WNK2: variants seen among roughly 807,000 people sequenced by gnomAD.
The protein encoded by WNK2 is WNK lysine deficient protein kinase 2.
A neutral mutation model predicts 192.1 loss-of-function variants in WNK2; 67 were observed. That is an observed-to-expected ratio of 0.35 (90% CI 0.29 to 0.43). The LOEUF (loss-of-function observed/expected upper bound fraction) is 0.43. Among genes scored for constraint, WNK2 ranks in the 20% least tolerant of loss-of-function variants. WNK2 has a pLI of 1.00. For missense variants in WNK2, 2,698 were observed against 3,089.7 expected (o/e 0.87, Z 3.01); for synonymous variants, 1,439 against 1,393.9 (o/e 1.03, Z -0.72).
intron 26 of WNK2, among the ~76,000 whole-genome samples, chr9:93,306,474 T>C: frequency 6.7e-6 from 1 of 149,390 alleles, no homozygotes; most frequent in Middle Eastern, 3.6e-3. Context: ...TTTTCTTTTT[T>C]CTTTTCTTTT....
intron 29 of WNK2, chr9:93,319,450 C>T (rs770288896): frequency 2.5e-5 from 24 of 975,732 alleles, no homozygotes; most frequent in South Asian, 4.7e-5. Flanking sequence ...GCCTGGGCCC[C>T]GAGCACGGTC....
intron 7 of WNK2, among the ~76,000 whole-genome samples, chr9:93,243,161 T>C (rs1841070110): frequency 2.0e-5 from 3 of 152,196 alleles, no homozygotes; most frequent in Non-Finnish European, 4.4e-5. Flanking sequence ...CTTGCCTGTC[T>C]TGGGTTCTGT....
intron 2 of WNK2, 113 bp downstream of exon 2, chr9:93,185,723 C>T: frequency 2.4e-6 from 3 of 1,263,778 alleles, no homozygotes; most frequent in Non-Finnish European, 3.3e-6. Context: ...GGCGGCGGGG[C>T]TCCATGTGTG....
intron 24 of WNK2, 137 bp from the exon 25 acceptor site, chr9:93,298,933 C>A: frequency 1.2e-6 from 1 of 848,732 alleles, no homozygotes; most frequent in Non-Finnish European, 1.8e-6. Context: ...GGAGATGTGG[C>A]CATGTGCCTG....
At position 93,286,760 on chromosome 9, in the gene WNK2, TAA is replaced by T. The variant is rs1263869489; in HGVS notation, c.4034-2027_4034-2026del. The stretch of plus-strand genomic sequence containing the variant: ...CAATAGCCAAGATATGGAAACAACC[TAA>T]GTGTCTTCACAGATGAATGGATAAA... On this transcript the variant is annotated intron_variant, in intron 19 of 29. Transcript: ENST00000427277. Among the ~76,000 whole-genome samples the T allele has an allele frequency of 5.9e-5, 9 of 152,354 alleles. 1 individual carries two copies. The highest frequency in any genetic ancestry group is 5.8e-4 in the East Asian group (3 of 5,192).
chr9:93,197,044 C>T (rs1356562478), intron 2 of WNK2, among the ~76,000 whole-genome samples: 1 of 152,246 alleles, frequency 6.6e-6, no homozygotes, highest in Non-Finnish European at 1.5e-5. Context: ...TGTGCCAACC[C>T]TGGCAAAGCT....
Position 93,217,536 on chromosome 9 carries a change from C to T in WNK2, c.682-12160C>T, listed in dbSNP as rs188396845. Reference sequence around the variant, plus strand: ...CGGTTGTGGTCCCCAAGGCTCTTGCCGCCAGTTCTGGGAGGTACTGAGGAG... The same window carrying T: ...CGGTTGTGGTCCCCAAGGCTCTTGCTGCCAGTTCTGGGAGGTACTGAGGAG... On this transcript the variant is annotated intron_variant, in intron 2 of 29. Coordinates refer to ENST00000427277, the MANE Select transcript of WNK2 (RefSeq NM_006648.4). Among the ~76,000 whole-genome samples the T allele has an allele frequency of 2.3e-3, 343 of 152,244 alleles. 3 individuals carry two copies. Among genetic ancestry groups the T allele is most frequent in the Non-Finnish European group, 4.2e-3 (285 of 68,032 alleles).
intron 7 of WNK2, among the ~76,000 whole-genome samples, chr9:93,243,186 G>A (rs1588136089): frequency 6.6e-6 from 1 of 152,304 alleles, no homozygotes; most frequent in Middle Eastern, 3.4e-3. Context: ...AGGTGGCAAA[G>A]CCCAGAACCT....
At chr9:93,308,134 C>A (rs992012781) in intron 27 of WNK2, 194 bp from the exon 28 acceptor site, 3 of 1,170,630 alleles carry the variant, frequency 2.6e-6, no homozygotes, top group Middle Eastern at 2.9e-4. Context: ...CTGGCACAGC[C>A]CATGGAAATG....
Position 93,259,515 on chromosome 9 carries a change from A to G in WNK2, c.2967A>G (p.Gln989=), listed in dbSNP as rs1843861873. 1 of 1,468,782 alleles carries G rather than the reference A, an allele frequency of 6.8e-7. No individual in the cohort carries two copies. The highest frequency in any genetic ancestry group is 1.6e-5 in the African/African-American group (1 of 63,698). The allele number at this position is 1,468,782 out of a possible 1,614,324, so 91.0% of individuals were successfully genotyped here. ...CCCCGCAACCCATGCTGCCCCCACAACCTGTGCTGCCCCCGCAGCCGGCAC... is the reference window on the plus strand; with the variant it reads ...CCCCGCAACCCATGCTGCCCCCACAGCCTGTGCTGCCCCCGCAGCCGGCAC... ...VLPPQPMLPP[Q]PVLPPQPALP... Residue 989 remains glutamine, a synonymous_variant, in exon 12 of 30, where the codon CAA becomes CAG. Transcript: ENST00000427277. This position sits in a 1 kb window ranked among gnomAD's most constrained non-coding sequence, Gnocchi z 4.8.
chr9:93,232,607 G>A (rs1012811352), intron 4 of WNK2, among the ~76,000 whole-genome samples: 4 of 152,238 alleles, frequency 2.6e-5, no homozygotes, highest in African/African-American at 9.6e-5. Flanking sequence ...AAGAAGCACA[G>A]CCCACTGTGA....
At chr9:93,194,855 A>G (rs1652228628) in intron 2 of WNK2, among the ~76,000 whole-genome samples, 1 of 152,214 alleles carries the variant, frequency 6.6e-6, no homozygotes, top group African/African-American at 2.4e-5. Context: ...ACATGCAGAC[A>G]ATGCAATCTT....
At chr9:93,211,881 C>CT (rs1834840039) in intron 2 of WNK2, among the ~76,000 whole-genome samples, 1 of 143,368 alleles carries the variant, frequency 7.0e-6, no homozygotes, top group African/African-American at 3.0e-5. Context: ...CTCATTCACA[C>CT]ACTCACACAT....
chr9:93,252,062 T>C (rs1842674641), intron 8 of WNK2, among the ~76,000 whole-genome samples: 1 of 152,118 alleles, frequency 6.6e-6, no homozygotes, highest in Non-Finnish European at 1.5e-5. Context: ...AGTGGTAAAT[T>C]CTAAAGTTTC....
intron 2 of WNK2, among the ~76,000 whole-genome samples, chr9:93,190,698 C>A (rs1242708260): frequency 6.6e-6 from 1 of 152,242 alleles, no homozygotes; most frequent in Non-Finnish European, 1.5e-5. Context: ...TGTCCACAGG[C>A]CCTGCGGAGT....
intron 2 of WNK2, among the ~76,000 whole-genome samples, chr9:93,199,874 G>A (rs1235277059): frequency 8.0e-6 from 1 of 124,340 alleles, no homozygotes; most frequent in Non-Finnish European, 1.7e-5. Context: ...CTCCAGCCTG[G>A]GCGACAGAGC....
chr9:93,236,472 T>C (rs1839834085), intron 5 of WNK2, among the ~76,000 whole-genome samples: 1 of 152,240 alleles, frequency 6.6e-6, no homozygotes, highest in Non-Finnish European at 1.5e-5. Context: ...GAAGGCTAAA[T>C]CGTGTTGAAG....
chr9:93,243,692 G>A (rs1461159627), intron 7 of WNK2, among the ~76,000 whole-genome samples: 1 of 152,174 alleles, frequency 6.6e-6, no homozygotes, highest in Non-Finnish European at 1.5e-5. Context: ...CAGCTTGTGT[G>A]CCCCGGCAGG....
In WNK2 at chr9:93,184,928, A is replaced by G; in HGVS notation, c.-2A>G. ...GGGCCTGTGTGTCCTTGGCCCACAG[A>G]GATGGACGGCGATGGCGGCCGCCGA... On this transcript the variant is annotated splice_region_variant and 5_prime_UTR_variant, in exon 2 of 30. It removes the in-frame stop codon of an upstream open reading frame in the 5' UTR. Transcript: ENST00000427277. 1 of 1,188,000 alleles carries G rather than the reference A, an allele frequency of 8.4e-7. No individual in the cohort carries two copies. 73.6% of individuals were successfully genotyped at this position (1,188,000 alleles called of 1,614,324 possible).
Sources: gnomAD v4.1 joint callset for allele counts (sites outside exome capture counted in the v4.1 genomes callset) on GRCh38, gnomAD v4.1.1 for gene constraint, Gnocchi (gnomAD v3.1) non-coding constraint, MANE v1.5 for transcripts, NCBI Gene and HGNC (gene_info 2026-07-23, HGNC 2026-07-21) for gene names.